The following ASB3 variants were observed in gnomAD, a reference collection of about 807,000 sequenced individuals.
ASB3 encodes the protein ankyrin repeat and SOCS box containing 3, also known as ankyrin repeat and SOCS box protein 3.
Under a neutral mutation model 54.5 loss-of-function variants are expected in ASB3, and 41 were observed. The observed-to-expected ratio is 0.75, with a 90% CI of 0.59 to 0.98. The LOEUF (loss-of-function observed/expected upper bound fraction) is 0.98, where lower values mean the gene tolerates loss of function less well. ASB3 is among the 50% of genes least tolerant of loss of function. ASB3 has a pLI of 0.00. For synonymous variants in ASB3, 266 were observed against 221.2 expected, an observed-to-expected ratio of 1.20 and a Z score of -1.80; for missense variants, 733 against 620.0, an observed-to-expected ratio of 1.18 and a Z score of -1.94.
chr2:53,719,142 C>G (rs1670559714), intron 5 of ASB3, among the ~76,000 whole-genome samples: 1 of 152,126 alleles, frequency 6.6e-6, no homozygotes, highest in African/African-American at 2.4e-5. Flanking sequence ...CCAGGATGGT[C>G]TTGATCTCTT....
At chr2:53,738,120 C>T (rs1220228149) in intron 3 of ASB3, among the ~76,000 whole-genome samples, 1 of 152,148 alleles carries the variant, frequency 6.6e-6, no homozygotes, top group Admixed American at 6.5e-5. Flanking sequence ...ATATCAGGAA[C>T]TAAGCCTGAT....
chr2:53,727,989 G>A (rs1671102119), intron 5 of ASB3, among the ~76,000 whole-genome samples: 1 of 152,038 alleles, frequency 6.6e-6, no homozygotes, highest in South Asian at 2.1e-4. Flanking sequence ...GCCTCCCAAA[G>A]TGCTGGGATT....
At chr2:53,720,188 G>A (rs977926125) in intron 5 of ASB3, among the ~76,000 whole-genome samples, 2 of 150,982 alleles carry the variant, frequency 1.3e-5, no homozygotes, top group Non-Finnish European at 2.9e-5. Context: ...CTATGACCTG[G>A]ACATACTCTC....
intron 3 of ASB3, among the ~76,000 whole-genome samples, chr2:53,741,563 C>T (rs1478855867): frequency 6.6e-6 from 1 of 152,154 alleles, no homozygotes; most frequent in African/African-American, 2.4e-5. Flanking sequence ...TGGCACTGCT[C>T]TACGGTACCT....
At chr2:53,731,872 T>C (rs908234381) in intron 3 of ASB3, among the ~76,000 whole-genome samples, 2 of 152,088 alleles carry the variant, frequency 1.3e-5, no homozygotes, top group African/African-American at 4.8e-5. Context: ...AGGGTGGTCC[T>C]GAACTCCTGA....
Position 53,770,333 on chromosome 2 carries a change from T to C in ASB3, c.-13-4748A>G, listed in dbSNP as rs573000091. ...CGAACAGATGAAGACTAAAAGGAAA[T>C]AGCAACAAAGATGACACAAATGCCT... On this transcript the variant is annotated intron_variant, in intron 1 of 9. Transcript: ENST00000263634. Among the ~76,000 whole-genome samples the C allele has an allele frequency of 1.7e-4, 26 of 152,056 alleles. No individual in the cohort carries two copies. The East Asian group carries it at 5.0e-3, about 29-fold the overall frequency.
intron 5 of ASB3, among the ~76,000 whole-genome samples, chr2:53,728,468 A>C (rs541648160): frequency 6.6e-6 from 1 of 152,192 alleles, no homozygotes; most frequent in South Asian, 2.1e-4. Flanking sequence ...TTGCCAATAA[A>C]CCTGCTTTAG....
intron 1 of ASB3, among the ~76,000 whole-genome samples, chr2:53,784,975 T>G (rs1385718321): frequency 2.6e-5 from 4 of 152,202 alleles, no homozygotes; most frequent in African/African-American, 9.6e-5. Context: ...GCTGTCTCCC[T>G]GGCCTCTTTC....
chr2:53,780,008 T>G (rs1674555234), intron 1 of ASB3, among the ~76,000 whole-genome samples: 1 of 152,212 alleles, frequency 6.6e-6, no homozygotes, highest in Non-Finnish European at 1.5e-5. Flanking sequence ...TGCTGAAAGA[T>G]TCTCAACTAA....
chr2:53,743,483 A>G (rs1572951175), intron 3 of ASB3, among the ~76,000 whole-genome samples: 2 of 152,212 alleles, frequency 1.3e-5, no homozygotes, highest in Non-Finnish European at 2.9e-5. Flanking sequence ...AAGTTAAATG[A>G]TGCATTTAAG....
intron 9 of ASB3, among the ~76,000 whole-genome samples, chr2:53,681,220 T>C (rs992944275): frequency 1.3e-5 from 2 of 152,194 alleles, no homozygotes; most frequent in Non-Finnish European, 2.9e-5. Context: ...TTTCCTCTCT[T>C]TTGGGTATAT....
intron 4 of ASB3, 39 bp downstream of exon 4, chr2:53,729,419 C>T: frequency 1.9e-6 from 3 of 1,603,814 alleles, no homozygotes; most frequent in East Asian, 2.2e-5. Context: ...GTAAAACACA[C>T]AATTTACATG....
chr2:53,780,064 CTT>C (rs978723533), intron 1 of ASB3, among the ~76,000 whole-genome samples: 2 of 152,214 alleles, frequency 1.3e-5, no homozygotes, highest in African/African-American at 4.8e-5. Context: ...ACATATTCTT[CTT>C]GTTTCCAATC....
At chr2:53,685,450 CA>C (rs1668584564) in intron 9 of ASB3, among the ~76,000 whole-genome samples, 1 of 152,148 alleles carries the variant, frequency 6.6e-6, no homozygotes, top group African/African-American at 2.4e-5. Flanking sequence ...ACTACTTGTC[CA>C]CCTTTCCCCC....
At chr2:53,673,010 A>C (rs1440526793) in intron 9 of ASB3, among the ~76,000 whole-genome samples, 2 of 152,234 alleles carry the variant, frequency 1.3e-5, no homozygotes, top group African/African-American at 4.8e-5. Flanking sequence ...AAGTTTCAGA[A>C]ATAAGCATAA....
intron 9 of ASB3, among the ~76,000 whole-genome samples, chr2:53,673,290 A>G (rs1054479763): frequency 6.6e-6 from 1 of 152,168 alleles, no homozygotes; most frequent in Admixed American, 6.5e-5. Flanking sequence ...AAGGAAGATA[A>G]AGGATGGCTG....
chr2:53,682,189 T>C (rs1668411540), intron 9 of ASB3, among the ~76,000 whole-genome samples: 1 of 151,954 alleles, frequency 6.6e-6, no homozygotes, highest in Non-Finnish European at 1.5e-5. Context: ...TTAGGATTGC[T>C]TTTTCTATTT....
chr2:53,769,098 G>T (rs1673707778), intron 1 of ASB3, among the ~76,000 whole-genome samples: 1 of 152,208 alleles, frequency 6.6e-6, no homozygotes, highest in Non-Finnish European at 1.5e-5. Context: ...AGGGGCAATG[G>T]CTTAGGATAA....
At chr2:53,779,000 T>G (rs1218640730) in intron 1 of ASB3, among the ~76,000 whole-genome samples, 1 of 152,226 alleles carries the variant, frequency 6.6e-6, no homozygotes, top group African/African-American at 2.4e-5. Flanking sequence ...ACATTGCCAT[T>G]AACAGTGTAC....
Sources: gnomAD v4.1 joint callset for allele counts (sites outside exome capture counted in the v4.1 genomes callset) on GRCh38, gnomAD v4.1.1 for gene constraint, MANE v1.5 for transcripts, NCBI Gene and HGNC (gene_info 2026-07-23, HGNC 2026-07-21) for gene names.